Variants in AGAP3 observed in about 807,000 individuals in gnomAD.
AGAP3 encodes arf-GAP with GTPase, ANK repeat and PH domain-containing protein 3.
Under a neutral mutation model 96.9 loss-of-function variants are expected in AGAP3, and 24 were observed. The observed-to-expected ratio is 0.25, with a 90% CI of 0.18 to 0.35. The LOEUF (loss-of-function observed/expected upper bound fraction) is 0.35, where lower values mean the gene tolerates loss of function less well. Ranked by LOEUF, AGAP3 falls within the 10% of genes least tolerant of loss-of-function variation. The pLI, the probability that AGAP3 is intolerant of heterozygous loss-of-function variation, is 1.00. For synonymous variants in AGAP3, 563 were observed against 536.1 expected (o/e 1.05, Z -0.69); for missense variants, 876 against 1,254.2 (o/e 0.70, Z 4.55).
At chr7:151,109,060 G>A (rs949045100) in intron 1 of AGAP3, among the ~76,000 whole-genome samples, 3 of 151,774 alleles carry the variant, frequency 2.0e-5, no homozygotes, top group Admixed American at 1.3e-4. Flanking sequence ...GGCTGCGGTG[G>A]CCCATGCCTG....
intron 8 of AGAP3, among the ~76,000 whole-genome samples, chr7:151,121,374 T>G (rs1009050877): frequency 3.3e-5 from 5 of 152,064 alleles, no homozygotes; most frequent in African/African-American, 1.2e-4. Flanking sequence ...CCACACCTGC[T>G]GCTGCTGCTG....
At chr7:151,109,272 A>G (rs1799186182) in intron 1 of AGAP3, among the ~76,000 whole-genome samples, 1 of 152,108 alleles carries the variant, frequency 6.6e-6, no homozygotes, top group African/African-American at 2.4e-5. Context: ...CCGAGGCAGG[A>G]GGATTGCTTG....
intron 1 of AGAP3, among the ~76,000 whole-genome samples, chr7:151,100,377 G>A (rs552869839): frequency 6.6e-6 from 1 of 152,224 alleles, no homozygotes; most frequent in Non-Finnish European, 1.5e-5. Context: ...GCACTTCTCT[G>A]TGTGGGTCCT....
intron 9 of AGAP3, among the ~76,000 whole-genome samples, chr7:151,125,504 C>T (rs1224972389): frequency 6.6e-6 from 1 of 152,202 alleles, no homozygotes; most frequent in African/African-American, 2.4e-5. Context: ...CAGAGTGGTG[C>T]CGCCAGCTGG....
Position 151,088,607 on chromosome 7 carries a change from T to C in AGAP3, c.331+1535T>C, listed in dbSNP as rs1375162749. Among the ~76,000 whole-genome samples the C allele has an allele frequency of 5.3e-5, 8 of 152,332 alleles. No individual in the cohort carries two copies. The East Asian group carries it at 9.6e-4, about 18-fold the overall frequency. ...TCCAAGCTTACCTTCCCCCAGCTCC[T>C]TCTGGAGGGCGACAAGCCTCGTGGG... On this transcript the variant is annotated intron_variant, in intron 1 of 17. Coordinates refer to ENST00000397238, the MANE Select transcript of AGAP3 (RefSeq NM_031946.7).
chr7:151,087,171 G>A, intron 1 of AGAP3, 99 bp downstream of exon 1: 2 of 1,335,926 alleles, frequency 1.5e-6, no homozygotes, highest in Non-Finnish European at 2.1e-6. Flanking sequence ...CTCCCTGTCG[G>A]GGGTCCTTGC....
At chr7:151,138,389 T>C (rs1163421498) in intron 12 of AGAP3, 76 bp downstream of exon 12, 5 of 1,472,308 alleles carry the variant, frequency 3.4e-6, no homozygotes. Context: ...GGCAGCATTC[T>C]TGGCTTGGGA....
chr7:151,129,488 C>T (rs533007964), intron 10 of AGAP3, among the ~76,000 whole-genome samples: 124 of 152,230 alleles, frequency 8.1e-4, no homozygotes, highest in African/African-American at 2.9e-3. Context: ...GGAGAAAACT[C>T]GCAGAGAAGG....
intron 8 of AGAP3, among the ~76,000 whole-genome samples, chr7:151,122,109 G>T (rs1183338715): frequency 6.6e-6 from 1 of 152,232 alleles, no homozygotes; most frequent in Non-Finnish European, 1.5e-5. Flanking sequence ...CAATCTGGCT[G>T]GGGTGGGCTG....
chr7:151,090,401 T>A (rs1798346394), intron 1 of AGAP3: 1 of 150,730 alleles, frequency 6.6e-6, no homozygotes, highest in African/African-American at 2.5e-5. Context: ...TTTTTTTTTT[T>A]TTTTAAACAG....
chr7:151,088,459 C>T (rs1268234369), intron 1 of AGAP3, among the ~76,000 whole-genome samples: 1 of 152,212 alleles, frequency 6.6e-6, no homozygotes, highest in African/African-American at 2.4e-5. Context: ...TGTGCGAGCC[C>T]TGGGCCCCAA....
chr7:151,121,433 T>C lies in AGAP3; in HGVS notation c.1128+1288T>C, dbSNP rs370275477. ...GTCCACGGTGCCTACTGCCAGGGCC[T>C]GGGCACCCTGCTCCCTGGCATCGTG... On this transcript the variant is annotated intron_variant, in intron 8 of 17. Transcript: ENST00000397238. 3.3e-4 allele frequency among the ~76,000 whole-genome samples: 50 copies of C among 152,260 alleles called. No individual in the cohort carries two copies. The East Asian group carries it at 7.7e-3, about 24-fold the overall frequency.
intron 1 of AGAP3, 79 bp from the exon 2 acceptor site, chr7:151,116,714 A>G (rs1799601727): frequency 1.3e-6 from 2 of 1,541,178 alleles, no homozygotes; most frequent in African/African-American, 1.4e-5. Context: ...GGAGGGCATC[A>G]TAGGTGACAC....
chr7:151,127,541 C>T (rs1432216053), intron 9 of AGAP3, among the ~76,000 whole-genome samples: 1 of 152,158 alleles, frequency 6.6e-6, no homozygotes, highest in Non-Finnish European at 1.5e-5. Flanking sequence ...CTCTTCTCAG[C>T]CCTCTTGAGT....
At chr7:151,122,124 C>T (rs1799924148) in intron 8 of AGAP3, among the ~76,000 whole-genome samples, 1 of 152,192 alleles carries the variant, frequency 6.6e-6, no homozygotes, top group Admixed American at 6.5e-5. Flanking sequence ...GGGCTGCACC[C>T]CACTCCCCCC....
chr7:151,136,378 C>T (rs1386186665), intron 11 of AGAP3: 2 of 152,248 alleles, frequency 1.3e-5, no homozygotes, highest in Non-Finnish European at 2.9e-5. Context: ...AATGACAGCG[C>T]CCACACGCAG....
chr7:151,133,779 C>G lies in AGAP3; in HGVS notation c.1327-621C>G, dbSNP rs576831444. Among the ~76,000 whole-genome samples the G allele has an allele frequency of 6.6e-6, 1 of 152,156 alleles. No homozygotes were observed. Among genetic ancestry groups the G allele is most frequent in the African/African-American group, 2.4e-5 (1 of 41,408 alleles). On this transcript the variant is annotated intron_variant, in intron 10 of 17. Coordinates refer to ENST00000397238, the MANE Select transcript of AGAP3 (RefSeq NM_031946.7). This position sits in a 1 kb window ranked among gnomAD's most constrained non-coding sequence, Gnocchi z 5.4. ...TGTAGGATGGTAAATACCCTGCACG[C>G]GACAGGCAGATGACATGACGGCGAT...
chr7:151,120,007 C>A lies in AGAP3; in HGVS notation c.990C>A (p.Ser330Arg). The part of the protein sequence containing the change: ...HINQATNGGG[S>R]AFSDYSSSVP... ...CTTAGGCCACGAATGGCGGCGGCAG[C>A]GCCTTCAGCGACTACTCGTCCTCAG... The change falls in exon 8 of 18, where the codon AGC (serine) becomes AGA (arginine). Residue 330 changes from serine to arginine, a missense_variant. Physicochemically the swap from Ser to Arg is moderately radical, Grantham distance 110. This residue lies in a region of AGAP3 where 100 missense variants were observed against 129.4 expected (regional missense o/e 0.77). Coordinates refer to ENST00000397238, the MANE Select transcript of AGAP3 (RefSeq NM_031946.7). The A allele has an allele frequency of 6.2e-7, 1 of 1,613,430 alleles. No homozygotes were observed. Among genetic ancestry groups the A allele is most frequent in the African/African-American group, 1.3e-5 (1 of 75,058 alleles).
At chr7:151,117,011 C>T (rs896143642) in intron 2 of AGAP3, 84 bp from the exon 3 acceptor site, 10 of 1,506,052 alleles carry the variant, frequency 6.6e-6, no homozygotes, top group African/African-American at 5.5e-5. Context: ...CTTTCTCCCT[C>T]CTGCTGCTTC....
Sources: allele counts gnomAD v4.1 joint callset (sites outside exome capture counted in the v4.1 genomes callset), GRCh38; gene constraint gnomAD v4.1.1; regional missense constraint gnomAD v4.1.1; non-coding constraint Gnocchi (gnomAD v3.1); transcripts MANE v1.5; gene names NCBI Gene and HGNC (gene_info 2026-07-23, HGNC 2026-07-21).